Variants in ZNF408 observed in about 807,000 individuals in gnomAD.
ZNF408 encodes PR domain zinc finger protein 17.
In ZNF408, 24 loss-of-function variants were observed where a neutral mutation model predicts 27.6. That is an observed-to-expected ratio of 0.87 (90% CI 0.63 to 1.22). The LOEUF (loss-of-function observed/expected upper bound fraction) is 1.22, where lower values mean the gene tolerates loss of function less well. Ranked by LOEUF, ZNF408 falls within the 50% of genes most tolerant of loss-of-function variation. ZNF408 has a pLI of 0.00. For missense variants in ZNF408, 897 were observed against 949.0 expected (o/e 0.95, Z 0.72); for synonymous variants, 410 against 396.1 (o/e 1.04, Z -0.42).
Position 46,701,399 on chromosome 11 carries a change from C to T in ZNF408, c.53C>T (p.Ala18Val), listed in dbSNP as rs376908315. The change falls in exon 2 of 5, where the codon GCC becomes GTC. Residue 18 changes from alanine to valine, a missense_variant and splice_region_variant. Ala to Val is a moderately conservative substitution (Grantham distance 64). Transcript: ENST00000311764. The stretch of plus-strand genomic sequence containing the variant: ...TCACTGTCTTCCCTTCTCTCTGCAG[C>T]CCGCGAGCCGCGCCTGGGCCTGGAC... ...LLEGKKALQLAREPRLGLDLG... is the reference protein window; with the variant it reads ...LLEGKKALQLVREPRLGLDLG... 10 of 1,612,646 alleles carry T rather than the reference C, an allele frequency of 6.2e-6. No homozygotes were observed. Among genetic ancestry groups the T allele is most frequent in the Non-Finnish European group, 8.5e-6 (10 of 1,179,110 alleles).
rs1381654753 is a variant in ZNF408 at position 46,704,602 on chromosome 11, C to T, written c.902C>T (p.Pro301Leu). Residue 301 changes from proline (P) to leucine (L), a missense_variant, in exon 5 of 5, where the codon CCG becomes CTG. Physicochemically the swap from Pro to Leu is moderately conservative, Grantham distance 98. Coordinates refer to ENST00000311764, the MANE Select transcript of ZNF408 (RefSeq NM_024741.3). Reference sequence around the variant, plus strand: ...TCATCTTCTGCCAGGGGCACCCAGCCGCATGGCTACCTGGCCAAGAAGTTA... The same window carrying T: ...TCATCTTCTGCCAGGGGCACCCAGCTGCATGGCTACCTGGCCAAGAAGTTA... ...SFSSSARGTQPHGYLAKKLHS... is the reference protein window; with the variant it reads ...SFSSSARGTQLHGYLAKKLHS... 8 of 1,613,804 alleles carry T rather than the reference C, an allele frequency of 5.0e-6. No individual in the cohort carries two copies. Among genetic ancestry groups the T allele is most frequent in the African/African-American group, 1.3e-5 (1 of 75,036 alleles).
At position 46,704,834 on chromosome 11, in the gene ZNF408, CA is replaced by C. The variant is rs1413348425; in HGVS notation, c.1136del (p.Lys379SerfsTer109). 6.9e-6 allele frequency: 11 copies of C among 1,600,648 alleles called. No homozygotes were observed. The highest frequency in any genetic ancestry group is 8.5e-6 in the Non-Finnish European group (10 of 1,173,206). Reference sequence around the variant, plus strand: ...AGCACGCATTTGTGCACACGGGCCACAAGCCCTTTCTTTGCACTGAGTGTGG... The same window carrying C: ...AGCACGCATTTGTGCACACGGGCCACAGCCCTTTCTTTGCACTGAGTGTGG... ...KKHAFVHTGH[K>X]PFLCTECGKS... On this transcript the variant is annotated frameshift_variant, in exon 5 of 5. Coordinates refer to ENST00000311764, the MANE Select transcript of ZNF408 (RefSeq NM_024741.3). LOFTEE classifies it low-confidence loss of function (END_TRUNC).
Position 46,705,230 on chromosome 11 carries a change from C to G in ZNF408, c.1530C>G (p.Asn510Lys). 1 of 1,612,066 alleles carries G rather than the reference C, an allele frequency of 6.2e-7. No homozygotes were observed. The highest frequency in any genetic ancestry group is 8.5e-7 in the Non-Finnish European group (1 of 1,179,894). The change falls in exon 5 of 5, where the codon AAC becomes AAG. Residue 510 changes from asparagine (N) to lysine (K), a missense_variant. Coordinates refer to ENST00000311764, the MANE Select transcript of ZNF408 (RefSeq NM_024741.3). The surrounding 1 kb of genome is among the most constrained non-coding windows in gnomAD (Gnocchi z 6.5). ...GCCGGGCGTTTCGTCAGCGGGGCAA[C>G]CTGCGTGGGCATTTGCGGCTCCACA... The part of the protein sequence containing the change: ...HCGRAFRQRG[N>K]LRGHLRLHTG...
chr11:46,704,969 C>T lies in ZNF408; in HGVS notation c.1269C>T (p.Asp423=), dbSNP rs972333835. The T allele has an allele frequency of 6.2e-7, 1 of 1,613,596 alleles. No homozygotes were observed. The highest frequency in any genetic ancestry group is 8.5e-7 in the Non-Finnish European group (1 of 1,180,020). Residue 423 remains aspartate, a synonymous_variant, in exon 5 of 5, where the codon GAC becomes GAT. Transcript: ENST00000311764. Reference sequence around the variant, plus strand: ...ACAAGGCCTATGGCACCCAGCGAGACCTCAAAGAGCACCAGGTGGTACATT... The same window carrying T: ...ACAAGGCCTATGGCACCCAGCGAGATCTCAAAGAGCACCAGGTGGTACATT... ...QCDKAYGTQR[D]LKEHQVVHSG... is the part of the protein sequence containing the mutation.
In ZNF408 at chr11:46,701,495, A is replaced by G; in HGVS notation, c.149A>G (p.Asp50Gly). The G allele has an allele frequency of 6.2e-7, 1 of 1,613,980 alleles. No individual in the cohort carries two copies. ...LKDVPPEPTR[D>G]ILALKSLPRG... is the part of the protein sequence containing the mutation. Reference sequence around the variant, plus strand: ...GACGTCCCACCCGAGCCGACCCGAGACATCCTCGCTTTAAAGAGCCTTCCC... The same window carrying G: ...GACGTCCCACCCGAGCCGACCCGAGGCATCCTCGCTTTAAAGAGCCTTCCC... The change falls in exon 2 of 5, where the codon GAC becomes GGC. Residue 50 changes from aspartate (D) to glycine (G), a missense_variant. By Grantham distance (94) the Asp-to-Gly change is moderately conservative. Transcript: ENST00000311764.
At position 46,704,427 on chromosome 11, in the gene ZNF408, G is replaced by A. The variant is rs1408187921; in HGVS notation, c.727G>A (p.Asp243Asn). ...VSPGLKFPTQDRISKDSQPLG... is the reference protein window; with the variant it reads ...VSPGLKFPTQNRISKDSQPLG... ...CCCTGGACTTAAGTTCCCAACCCAG[G>A]ACCGAATTTCCAAGGATAGCCAGCC... The change falls in exon 5 of 5, where the codon GAC becomes AAC. Residue 243 changes from aspartate (D) to asparagine (N), a missense_variant. Asp to Asn is a conservative substitution (Grantham distance 23). Coordinates refer to ENST00000311764, the MANE Select transcript of ZNF408 (RefSeq NM_024741.3). 1.2e-6 allele frequency: 2 copies of A among 1,614,096 alleles called. No individual in the cohort carries two copies. The highest frequency in any genetic ancestry group is 3.3e-5 in the Admixed American group (2 of 60,012).
chr11:46,704,434 T>A lies in ZNF408; in HGVS notation c.734T>A (p.Ile245Asn), dbSNP rs751012493. 5 of 1,614,070 alleles carry A rather than the reference T, an allele frequency of 3.1e-6. No homozygotes were observed. The East Asian group carries it at 1.1e-4, about 36-fold the overall frequency. Residue 245 changes from isoleucine to asparagine, a missense_variant, in exon 5 of 5, where the codon ATT (isoleucine) becomes AAT (asparagine). Coordinates refer to ENST00000311764, the MANE Select transcript of ZNF408 (RefSeq NM_024741.3). ...CTTAAGTTCCCAACCCAGGACCGAATTTCCAAGGATAGCCAGCCACTTGGC... is the reference window on the plus strand; with the variant it reads ...CTTAAGTTCCCAACCCAGGACCGAAATTCCAAGGATAGCCAGCCACTTGGC... ...PGLKFPTQDR[I>N]SKDSQPLGPL...
Position 46,704,983 on chromosome 11 carries a change from A to C in ZNF408, c.1283A>C (p.Gln428Pro). Reference sequence around the variant, plus strand: ...ACCCAGCGAGACCTCAAAGAGCACCAGGTGGTACATTCAGGTGCCCGGCCC... The same window carrying C: ...ACCCAGCGAGACCTCAAAGAGCACCCGGTGGTACATTCAGGTGCCCGGCCC... ...YGTQRDLKEH[Q>P]VVHSGARPFA... Residue 428 changes from glutamine (Q) to proline (P), a missense_variant, in exon 5 of 5, where the codon CAG becomes CCG. By Grantham distance (76) the Gln-to-Pro change is moderately conservative. Coordinates refer to ENST00000311764, the MANE Select transcript of ZNF408 (RefSeq NM_024741.3). The C allele has an allele frequency of 6.2e-7, 1 of 1,613,436 alleles. No individual in the cohort carries two copies. The highest frequency in any genetic ancestry group is 2.2e-5 in the East Asian group (1 of 44,856).
At chr11:46,703,758 G>GT (rs371644247) in intron 4 of ZNF408, among the ~76,000 whole-genome samples, 1,478 of 94,008 alleles carry the variant, frequency 0.016, 341 homozygotes, top group African/African-American at 0.053. Context: ...TGTTGTTGTT[G>GT]TTGTTGTTGT....
At position 46,705,166 on chromosome 11, in the gene ZNF408, T is replaced by C. The variant is rs779973655; in HGVS notation, c.1466T>C (p.Leu489Pro). The change falls in exon 5 of 5, where the codon CTC becomes CCC. Residue 489 changes from leucine to proline, a missense_variant. By Grantham distance (98) the Leu-to-Pro change is moderately conservative. Transcript: ENST00000311764. The surrounding 1 kb of genome is among the most constrained non-coding windows in gnomAD (Gnocchi z 6.5). The stretch of plus-strand genomic sequence containing the variant: ...GGCTCCCTGCGGAACCATATGAGGC[T>C]CCATACAGGAGAAAAGCCTTTCCTG... ...NQGSLRNHMR[L>P]HTGEKPFLCP... The C allele has an allele frequency of 1.1e-5, 17 of 1,611,394 alleles. 1 individual carries two copies. In the South Asian group the frequency reaches 1.9e-4, roughly 18 times the overall value.
intron 4 of ZNF408, among the ~76,000 whole-genome samples, chr11:46,703,755 G>GT (rs1214759940): frequency 3.8e-4 from 42 of 110,184 alleles, no homozygotes; most frequent in African/African-American, 1.6e-3. Flanking sequence ...TGTTGTTGTT[G>GT]TTGTTGTTGT....
At chr11:46,703,359 G>A in intron 4 of ZNF408, 116 bp downstream of exon 4, 1 of 1,336,930 alleles carries the variant, frequency 7.5e-7, no homozygotes, top group Admixed American at 2.8e-5. Flanking sequence ...TAGAGTCTTA[G>A]TAGCTTTTCA....
chr11:46,703,793 A>T (rs1292926127), intron 4 of ZNF408, among the ~76,000 whole-genome samples: 2 of 100,144 alleles, frequency 2.0e-5, no homozygotes, highest in African/African-American at 4.1e-5. Flanking sequence ...TTTGAGATGG[A>T]GTCTCACTCT....
Position 46,704,677 on chromosome 11 carries a change from G to C in ZNF408, c.977G>C (p.Gly326Ala). ...CPPRAKTPEP[G>A]AQQSGFPTLS... ...CCCAGAGCAAAGACCCCAGAGCCTG[G>C]AGCCCAGCAGTCTGGCTTCCCTACA... The change falls in exon 5 of 5, where the codon GGA becomes GCA. Residue 326 changes from glycine to alanine, a missense_variant. Gly to Ala is a moderately conservative substitution (Grantham distance 60). Coordinates refer to ENST00000311764, the MANE Select transcript of ZNF408 (RefSeq NM_024741.3). 1.2e-6 allele frequency: 2 copies of C among 1,613,184 alleles called. No individual in the cohort carries two copies. Among genetic ancestry groups the C allele is most frequent in the Non-Finnish European group, 1.7e-6 (2 of 1,179,718 alleles).
rs2064742068 is a variant in ZNF408 at position 46,705,178 on chromosome 11, A to G, written c.1478A>G (p.Glu493Gly). 1 of 1,611,422 alleles carries G rather than the reference A, an allele frequency of 6.2e-7. No homozygotes were observed. Among genetic ancestry groups the G allele is most frequent in the Admixed American group, 1.7e-5 (1 of 60,008 alleles). The change falls in exon 5 of 5, where the codon GAA becomes GGA. Residue 493 changes from glutamate (E) to glycine (G), a missense_variant. Coordinates refer to ENST00000311764, the MANE Select transcript of ZNF408 (RefSeq NM_024741.3). This position sits in a 1 kb window ranked among gnomAD's most constrained non-coding sequence, Gnocchi z 6.5. ...LRNHMRLHTGEKPFLCPHCGR... is the reference protein window; with the variant it reads ...LRNHMRLHTGGKPFLCPHCGR... ...AACCATATGAGGCTCCATACAGGAG[A>G]AAAGCCTTTCCTGTGCCCGCACTGT... is the stretch of plus-strand genomic sequence containing the variant.
rs1019300884 is a variant in ZNF408 at position 46,703,139 on chromosome 11, C to T, written c.548C>T (p.Pro183Leu). ...PSSEGPSLTQ[P>L]GLDKEAAVAV... is the part of the protein sequence containing the mutation. ...TCTGAGGGCCCAAGTCTCACCCAGC[C>T]TGGGCTGGACAAAGAGGCAGCTGTA... Residue 183 changes from proline to leucine, a missense_variant, in exon 4 of 5, where the codon CCT becomes CTT. Transcript: ENST00000311764. 6 of 1,612,196 alleles carry T rather than the reference C, an allele frequency of 3.7e-6. No individual in the cohort carries two copies. Among genetic ancestry groups the T allele is most frequent in the African/African-American group, 2.7e-5 (2 of 74,926 alleles).
intron 2 of ZNF408, 155 bp downstream of exon 2, chr11:46,701,831 GTAGT>G (rs2064710749): frequency 4.1e-6 from 4 of 979,390 alleles, no homozygotes; most frequent in East Asian, 2.7e-5. Flanking sequence ...CTCAGCAGCA[GTAGT>G]TAAAGAATCG....
chr11:46,701,073 T>C lies in ZNF408; in HGVS notation c.26T>C (p.Leu9Ser), dbSNP rs1565693068. Residue 9 changes from leucine to serine, a missense_variant, in exon 1 of 5, where the codon TTG (leucine) becomes TCG (serine). Leu to Ser is a moderately radical substitution (Grantham distance 145). Coordinates refer to ENST00000311764, the MANE Select transcript of ZNF408 (RefSeq NM_024741.3). ...ATGGAGGAGGCGGAGGAGCTGCTCT[T>C]GGAGGGGAAGAAGGCGCTGCAACTC... Reference protein sequence around the residue: MEEAEELLLEGKKALQLAR... With the variant: MEEAEELLSEGKKALQLAR... 6.2e-7 allele frequency: 1 copy of C among 1,614,118 alleles called. No homozygotes were observed. The highest frequency in any genetic ancestry group is 8.5e-7 in the Non-Finnish European group (1 of 1,180,012).
At chr11:46,702,676 G>A in intron 2 of ZNF408, 28 bp from the exon 3 acceptor site, 1 of 1,611,260 alleles carries the variant, frequency 6.2e-7, no homozygotes, top group Non-Finnish European at 8.5e-7. Context: ...GAACACATTT[G>A]AGAAGGACTT....
Sources: gnomAD v4.1 joint callset for allele counts (sites outside exome capture counted in the v4.1 genomes callset) on GRCh38, gnomAD v4.1.1 for gene constraint, Gnocchi (gnomAD v3.1) non-coding constraint, MANE v1.5 for transcripts, NCBI Gene and HGNC (gene_info 2026-07-23, HGNC 2026-07-21) for gene names.